BEND3: variants seen among roughly 807,000 people sequenced by gnomAD.
The protein encoded by BEND3 is BEN domain-containing protein 3.
BEND3 carries 13 observed loss-of-function variants against 60.1 expected under a neutral mutation model. The observed-to-expected ratio is 0.22, with a 90% CI of 0.14 to 0.34. The LOEUF is 0.34. BEND3 is among the 10% of genes least tolerant of loss of function. The pLI is 1.00. For synonymous variants in BEND3, 497 were observed against 491.5 expected (o/e 1.01, Z -0.15); for missense variants, 896 against 1,138.1 (o/e 0.79, Z 3.06).
At chr6:107,108,912 C>T (rs1362225722) in intron 1 of BEND3, among the ~76,000 whole-genome samples, 1 of 152,148 alleles carries the variant, frequency 6.6e-6, no homozygotes, top group African/African-American at 2.4e-5. Context: ...TCAAGCAATT[C>T]TCCTGTCTCA....
intron 3 of BEND3, among the ~76,000 whole-genome samples, chr6:107,079,503 A>G (rs1775178992): frequency 6.6e-6 from 1 of 152,160 alleles, no homozygotes; most frequent in African/African-American, 2.4e-5. Flanking sequence ...GGGCTTCAGG[A>G]GCTGTAAACA....
intron 3 of BEND3, among the ~76,000 whole-genome samples, chr6:107,084,699 T>C (rs1424448057): frequency 6.6e-6 from 1 of 151,982 alleles, no homozygotes; most frequent in African/African-American, 2.4e-5. Flanking sequence ...ACTCTGTGTC[T>C]AGCTAAAAGA....
intron 3 of BEND3, among the ~76,000 whole-genome samples, chr6:107,078,966 T>C (rs1368241648): frequency 1.3e-5 from 2 of 152,040 alleles, no homozygotes; most frequent in Non-Finnish European, 2.9e-5. Flanking sequence ...AAGACCACCC[T>C]GGCCTGCCAC....
intron 3 of BEND3, among the ~76,000 whole-genome samples, chr6:107,080,443 C>G (rs961010800): frequency 6.6e-6 from 1 of 151,642 alleles, no homozygotes; most frequent in African/African-American, 2.4e-5. Context: ...TACACCCCAC[C>G]CTACTCCAGT....
intron 3 of BEND3, among the ~76,000 whole-genome samples, chr6:107,071,421 C>CA (rs1422631527): frequency 3.3e-5 from 5 of 152,202 alleles, no homozygotes; most frequent in Non-Finnish European, 7.3e-5. Flanking sequence ...CCAAAGGCAG[C>CA]AGTGTGTCCT....
intron 3 of BEND3, among the ~76,000 whole-genome samples, chr6:107,073,151 T>G (rs1775018105): frequency 7.0e-6 from 1 of 142,856 alleles, no homozygotes. Context: ...CGTAAGTGCA[T>G]TAGTTATCAC....
intron 3 of BEND3, among the ~76,000 whole-genome samples, chr6:107,090,402 A>C (rs575149838): frequency 6.1e-4 from 93 of 152,344 alleles, no homozygotes; most frequent in African/African-American, 2.2e-3. Flanking sequence ...AAATGTTCAA[A>C]GGATTTCTTC....
chr6:107,101,297 C>T (rs753702053), intron 1 of BEND3, among the ~76,000 whole-genome samples: 2 of 152,166 alleles, frequency 1.3e-5, no homozygotes, highest in Admixed American at 1.3e-4. Flanking sequence ...GTTTGACATA[C>T]AGTACCTGTT....
Position 107,070,052 on chromosome 6 carries a change from A to C in BEND3, c.1139T>G (p.Leu380Arg), listed in dbSNP as rs1554231674. The C allele has an allele frequency of 1.9e-6, 3 of 1,613,706 alleles. No homozygotes were observed. Among genetic ancestry groups the C allele is most frequent in the Non-Finnish European group, 2.5e-6 (3 of 1,180,030 alleles). ...TGAGGCGATGGTGCTGCTCCGGTCA[A>C]GAGACAGGGCCTCCTCCTGGTCTTT... The part of the protein sequence containing the change: ...DNKDQEEALS[L>R]DRSSTIASDH... Residue 380 changes from leucine to arginine, a missense_variant, in exon 4 of 4, where the codon CTT (leucine) becomes CGT (arginine). Physicochemically the swap from Leu to Arg is moderately radical, Grantham distance 102. Transcript: ENST00000369042. The surrounding 1 kb of genome is among the most constrained non-coding windows in gnomAD (Gnocchi z 6.9).
At chr6:107,101,107 CAGG>C (rs1775693254) in intron 1 of BEND3, among the ~76,000 whole-genome samples, 1 of 152,096 alleles carries the variant, frequency 6.6e-6, no homozygotes, top group African/African-American at 2.4e-5. Flanking sequence ...GAGACTGAGG[CAGG>C]AGAACTGCTT....
chr6:107,072,022 A>G (rs1562299646), intron 3 of BEND3, among the ~76,000 whole-genome samples: 4 of 152,236 alleles, frequency 2.6e-5, no homozygotes, highest in Admixed American at 2.6e-4. Flanking sequence ...AGTTTCAGCC[A>G]TAACCTAATA....
At chr6:107,085,000 T>G (rs1554234006) in intron 3 of BEND3, among the ~76,000 whole-genome samples, 1 of 152,230 alleles carries the variant, frequency 6.6e-6, no homozygotes, top group Admixed American at 6.5e-5. Flanking sequence ...CTCCTCACTC[T>G]TTGGGTCTGC....
chr6:107,102,465 GCAGTGGGCAGAAACCC>G (rs1554236860), intron 1 of BEND3, among the ~76,000 whole-genome samples: 1 of 152,168 alleles, frequency 6.6e-6, no homozygotes, highest in Admixed American at 6.6e-5. Context: ...TCAGCCACCT[GCAGTGGGCAGAAACCC>G]CAGAGGGCTC....
At chr6:107,078,196 A>G (rs1278017361) in intron 3 of BEND3, among the ~76,000 whole-genome samples, 3 of 152,096 alleles carry the variant, frequency 2.0e-5, no homozygotes, top group Admixed American at 6.5e-5. Flanking sequence ...CAAGTTGTCA[A>G]CATTGATAGA....
chr6:107,083,955 A>C (rs544878799), intron 3 of BEND3, among the ~76,000 whole-genome samples: 1 of 152,348 alleles, frequency 6.6e-6, no homozygotes, highest in Non-Finnish European at 1.5e-5. Context: ...ATGGAATATT[A>C]TTTGGCCATG....
In BEND3 at chr6:107,069,514, C is replaced by T. The variant is rs979960741; in HGVS notation, c.1677G>A (p.Gln559=). Residue 559 remains glutamine, a synonymous_variant, in exon 4 of 4, where the codon CAG becomes CAA. Transcript: ENST00000369042. The part of the protein sequence containing the change: ...PGADCLLSKE[Q]LRSIYESSLS... ...GGCTGCTCTCGTAGATGCTGCGTAG[C>T]TGCTCCTTGCTGAGCAGGCAGTCGG... 5 of 1,613,176 alleles carry T rather than the reference C, an allele frequency of 3.1e-6. No homozygotes were observed. The highest frequency in any genetic ancestry group is 4.2e-6 in the Non-Finnish European group (5 of 1,180,030).
At chr6:107,085,561 G>A (rs13193663) in intron 3 of BEND3, among the ~76,000 whole-genome samples, 10,852 of 151,608 alleles carry the variant, frequency 0.072, 508 homozygotes, top group South Asian at 0.13. Flanking sequence ...GCATGATCTC[G>A]GCTCACTGCT....
Position 107,110,624 on chromosome 6 carries a change from G to A in BEND3, c.-12+4466C>T, listed in dbSNP as rs1179248711. ...CCCAGGCTGGAGTGCAGTGTGGCAC[G>A]ATCTTGGCTCACTGCAGCCTCCTCC... On this transcript the variant is annotated intron_variant, in intron 1 of 3. Transcript: ENST00000369042. Among the ~76,000 whole-genome samples, 6 of 152,020 alleles carry A rather than the reference G, an allele frequency of 3.9e-5. No individual in the cohort carries two copies. The East Asian group carries it at 7.8e-4, about 20-fold the overall frequency.
intron 1 of BEND3, among the ~76,000 whole-genome samples, chr6:107,102,414 A>C (rs530134276): frequency 6.6e-6 from 1 of 152,272 alleles, no homozygotes; most frequent in Admixed American, 6.5e-5. Flanking sequence ...TGGCCTCTGA[A>C]TTTTGAGCCC....
Sources: allele counts gnomAD v4.1 joint callset (sites outside exome capture counted in the v4.1 genomes callset), GRCh38; gene constraint gnomAD v4.1.1; non-coding constraint Gnocchi (gnomAD v3.1); transcripts MANE v1.5; gene names NCBI Gene and HGNC (gene_info 2026-07-23, HGNC 2026-07-21).